Variants in MED13L observed in about 807,000 individuals in gnomAD.
The protein encoded by MED13L is mediator complex subunit 13L, also known as mediator of RNA polymerase II transcription subunit 13-like.
A neutral mutation model predicts 220.9 loss-of-function variants in MED13L; 7 were observed. The ratio of observed to expected loss-of-function variants is 0.03; its 90% confidence interval spans 0.02 to 0.06. The LOEUF is 0.06. Among genes scored for constraint, MED13L ranks in the 10% least tolerant of loss-of-function variants. MED13L has a pLI of 1.00. For missense variants in MED13L, 1,965 were observed against 2,760.5 expected, an observed-to-expected ratio of 0.71 and a Z score of 6.46; for synonymous variants, 1,011 against 1,015.2, an observed-to-expected ratio of 1.00 and a Z score of 0.08.
chr12:116,249,467 G>C (rs1439290068), intron 1 of MED13L, among the ~76,000 whole-genome samples: 1 of 151,900 alleles, frequency 6.6e-6, no homozygotes, highest in African/African-American at 2.4e-5. Context: ...AAAAATACCA[G>C]ACATTCAAAA....
intron 2 of MED13L, among the ~76,000 whole-genome samples, chr12:116,160,535 C>T (rs990883902): frequency 2.0e-5 from 3 of 151,678 alleles, no homozygotes; most frequent in African/African-American, 4.8e-5. Flanking sequence ...CTCCTTTGGG[C>T]CTTGGCTCTG....
chr12:116,096,474 G>A (rs964573255), intron 4 of MED13L, among the ~76,000 whole-genome samples, 195 bp downstream of exon 4: 4 of 149,790 alleles, frequency 2.7e-5, no homozygotes, highest in Admixed American at 6.7e-5. Flanking sequence ...TGAGTATATT[G>A]GCAATCACCT....
intron 2 of MED13L, among the ~76,000 whole-genome samples, chr12:116,153,117 G>A (rs886398131): frequency 6.6e-6 from 1 of 152,128 alleles, no homozygotes; most frequent in Non-Finnish European, 1.5e-5. Context: ...AAATTAGTGT[G>A]TAACATAATT....
At chr12:116,250,220 C>T (rs1375597185) in intron 1 of MED13L, among the ~76,000 whole-genome samples, 1 of 151,524 alleles carries the variant, frequency 6.6e-6, no homozygotes, top group Non-Finnish European at 1.5e-5. Context: ...AAAATATGCT[C>T]AAAGAAAAAA....
At chr12:116,197,418 T>C (rs1881703475) in intron 2 of MED13L, among the ~76,000 whole-genome samples, 1 of 152,162 alleles carries the variant, frequency 6.6e-6, no homozygotes, top group South Asian at 2.1e-4. Flanking sequence ...CACTACTTTA[T>C]TTTCATCAGT....
At chr12:116,242,264 C>T (rs746188122) in intron 1 of MED13L, among the ~76,000 whole-genome samples, 5 of 151,976 alleles carry the variant, frequency 3.3e-5, no homozygotes, top group Non-Finnish European at 7.4e-5. Flanking sequence ...AGGCTGGGCT[C>T]GAACTCCTGA....
In MED13L at chr12:116,233,112, TA is replaced by T. The variant is rs1356297127; in HGVS notation, c.310+4355del. 3.0e-3 allele frequency among the ~76,000 whole-genome samples: 416 copies of T among 138,240 alleles called. 1 individual carries two copies. Among genetic ancestry groups the T allele is most frequent in the African/African-American group, 0.011 (399 of 37,780 alleles). The allele number at this position is 138,240 out of a possible 152,430, so 90.7% of individuals were successfully genotyped here. On this transcript the variant is annotated intron_variant, in intron 2 of 30. Coordinates refer to ENST00000281928, the MANE Select transcript of MED13L (RefSeq NM_015335.5). ...AAGGAAAAAAAAAAAAAAAAAAAAG[TA>T]AGAAGTATTTGTTTGGTAGATTAGG...
chr12:115,970,549 G>C, intron 27 of MED13L, 45 bp downstream of exon 27: 11 of 1,591,912 alleles, frequency 6.9e-6, no homozygotes, highest in Non-Finnish European at 8.6e-6. Context: ...CTCCGGCTCT[G>C]CCCTGCATGA....
chr12:116,135,531 T>C (rs1458090880), intron 2 of MED13L, among the ~76,000 whole-genome samples: 2 of 152,206 alleles, frequency 1.3e-5, no homozygotes, highest in African/African-American at 4.8e-5. Flanking sequence ...TTCCAAATTC[T>C]TGACCTAAAG....
At chr12:116,127,131 A>T (rs1044883191) in intron 2 of MED13L, among the ~76,000 whole-genome samples, 6 of 152,228 alleles carry the variant, frequency 3.9e-5, no homozygotes, top group African/African-American at 1.4e-4. Context: ...AAGCATAACA[A>T]TAAAAGTTAC....
In MED13L at chr12:116,250,482, G is replaced by A. The variant is rs553397847; in HGVS notation, c.73-12777C>T. 2.6e-4 allele frequency among the ~76,000 whole-genome samples: 39 copies of A among 151,018 alleles called. No homozygotes were observed. In the South Asian group the frequency reaches 2.9e-3, roughly 11 times the overall value. On this transcript the variant is annotated intron_variant, in intron 1 of 30. Transcript: ENST00000281928. ...ATAAATAAAAAATACTTTTTTTCTC[G>A]GCCGGGCATGGTGGCTCACACCTGT...
chr12:115,964,000 T>C (rs560747237), intron 29 of MED13L, among the ~76,000 whole-genome samples: 11 of 152,232 alleles, frequency 7.2e-5, no homozygotes, highest in African/African-American at 2.2e-4. Flanking sequence ...AGCTGGAAGA[T>C]TGCTTGAGCC....
chr12:116,249,641 T>A (rs1277973970), intron 1 of MED13L, among the ~76,000 whole-genome samples: 1 of 148,176 alleles, frequency 6.7e-6, no homozygotes, highest in Non-Finnish European at 1.5e-5. Flanking sequence ...AAATGGGGGA[T>A]TTTTTTAACT....
intron 2 of MED13L, among the ~76,000 whole-genome samples, chr12:116,223,811 A>G (rs773787454): frequency 5.1e-4 from 78 of 152,340 alleles, no homozygotes; most frequent in Non-Finnish European, 4.9e-4. Context: ...AAATCTTTCA[A>G]ATGTGGCCAC....
At chr12:115,981,478 G>A (rs1474438810) in intron 22 of MED13L, among the ~76,000 whole-genome samples, 2 of 152,066 alleles carry the variant, frequency 1.3e-5, no homozygotes, top group Non-Finnish European at 2.9e-5. Context: ...CATCTATATA[G>A]AATTTTTTAA....
chr12:116,136,444 G>C (rs1323521628), intron 2 of MED13L, among the ~76,000 whole-genome samples: 1 of 152,142 alleles, frequency 6.6e-6, no homozygotes, highest in East Asian at 1.9e-4. Context: ...AAGTGTGTAT[G>C]TGTGTGTGTA....
chr12:116,068,723 T>C (rs987780527), intron 4 of MED13L, among the ~76,000 whole-genome samples: 2 of 152,180 alleles, frequency 1.3e-5, no homozygotes, highest in Non-Finnish European at 2.9e-5. Context: ...TTTGAACTTT[T>C]AATTTATATT....
chr12:116,076,989 C>T (rs2137714304), intron 4 of MED13L, among the ~76,000 whole-genome samples: 1 of 152,334 alleles, frequency 6.6e-6, no homozygotes, highest in African/African-American at 2.4e-5. Flanking sequence ...CAAGCACTTT[C>T]CTCTCCAGTC....
At chr12:116,230,453 C>A (rs1029738713) in intron 2 of MED13L, 11 of 981,354 alleles carry the variant, frequency 1.1e-5, no homozygotes, top group Non-Finnish European at 1.3e-5. Flanking sequence ...CACTGTGATA[C>A]CAATCTAAAA....
Sources: allele counts gnomAD v4.1 joint callset (sites outside exome capture counted in the v4.1 genomes callset), GRCh38; gene constraint gnomAD v4.1.1; transcripts MANE v1.5; gene names NCBI Gene and HGNC (gene_info 2026-07-23, HGNC 2026-07-21).